Variants in CACNG3 observed in about 807,000 individuals in gnomAD.
CACNG3 encodes the protein calcium voltage-gated channel auxiliary subunit gamma 3, also known as voltage-dependent calcium channel gamma-3 subunit.
CACNG3 carries 3 observed loss-of-function variants against 28.5 expected under a neutral mutation model. The ratio of observed to expected loss-of-function variants is 0.11; its 90% CI spans 0.05 to 0.27. The LOEUF is 0.27. Ranked by LOEUF, CACNG3 falls within the 10% of genes least tolerant of loss-of-function variation. CACNG3 has a pLI of 1.00. For missense variants in CACNG3, 236 were observed against 414.4 expected (o/e 0.57, Z 3.74); for synonymous variants, 174 against 162.2 (o/e 1.07, Z -0.55).
rs1413038846 is a variant in CACNG3, at chr16:24,317,629, AGAC to A, written c.212-29104_212-29102del. Among the ~76,000 whole-genome samples the A allele has an allele frequency of 1.3e-3, 54 of 42,596 alleles. 3 individuals are homozygous for A. Among genetic ancestry groups the A allele is most frequent in the East Asian group, 5.6e-3 (9 of 1,616 alleles). 27.9% of individuals were successfully genotyped at this position (42,596 alleles called of 152,430 possible). On this transcript the variant is annotated intron_variant, in intron 1 of 3. Coordinates refer to ENST00000005284, the MANE Select transcript of CACNG3 (RefSeq NM_006539.4). ...AAGAAAGAAAGAAAGAAAGAAAGAC[AGAC>A]AGAAAGAAAGAAAAGAAAAGAAAGA...
intron 1 of CACNG3, among the ~76,000 whole-genome samples, chr16:24,288,625 A>G (rs71391556): frequency 0.034 from 5,192 of 152,262 alleles, 126 homozygotes; most frequent in Middle Eastern, 0.078. Flanking sequence ...TCTGTGGGCA[A>G]TAGTTTCATG....
chr16:24,320,339 T>G (rs1899439755), intron 1 of CACNG3, among the ~76,000 whole-genome samples: 2 of 152,174 alleles, frequency 1.3e-5, no homozygotes, highest in Non-Finnish European at 2.9e-5. Flanking sequence ...CAGCAAAACT[T>G]AGAAATAATC....
chr16:24,284,790 G>T (rs910320097), intron 1 of CACNG3, among the ~76,000 whole-genome samples: 1 of 151,914 alleles, frequency 6.6e-6, no homozygotes, highest in Non-Finnish European at 1.5e-5. Flanking sequence ...AGGTCCTTTT[G>T]GCATCCTAAC....
At chr16:24,313,073 G>A (rs28470778) in intron 1 of CACNG3, among the ~76,000 whole-genome samples, 13 of 138,032 alleles carry the variant, frequency 9.4e-5, no homozygotes, top group East Asian at 2.2e-4. Flanking sequence ...GCGAGGGAGG[G>A]AGGAAGGAAG....
At chr16:24,263,960 G>C (rs1898565688) in intron 1 of CACNG3, among the ~76,000 whole-genome samples, 1 of 152,216 alleles carries the variant, frequency 6.6e-6, no homozygotes, top group Admixed American at 6.5e-5. Flanking sequence ...TGCTGGATTG[G>C]ACACTTGCTT....
intron 1 of CACNG3, among the ~76,000 whole-genome samples, chr16:24,325,530 C>A (rs902515683): frequency 6.6e-6 from 1 of 152,192 alleles, no homozygotes; most frequent in African/African-American, 2.4e-5. Context: ...CATTGCTGAG[C>A]GCAAGCCCCG....
At chr16:24,342,519 A>G in intron 1 of CACNG3, among the ~76,000 whole-genome samples, 1 of 152,194 alleles carries the variant, frequency 6.6e-6, no homozygotes, top group East Asian at 1.9e-4. Context: ...TGGGACAGAA[A>G]TCTTTAAACC....
At chr16:24,344,008 G>A (rs893318411) in intron 1 of CACNG3, among the ~76,000 whole-genome samples, 2 of 152,066 alleles carry the variant, frequency 1.3e-5, no homozygotes, top group Admixed American at 6.6e-5. Context: ...AGAATGGCGT[G>A]AGCAGAGCAA....
At chr16:24,266,048 G>C (rs371593083) in intron 1 of CACNG3, among the ~76,000 whole-genome samples, 2 of 152,224 alleles carry the variant, frequency 1.3e-5, no homozygotes, top group African/African-American at 4.8e-5. Flanking sequence ...CATGTAATCA[G>C]ATATTCTTTC....
intron 1 of CACNG3, among the ~76,000 whole-genome samples, chr16:24,265,328 GAAA>G (rs1898586261): frequency 2.7e-5 from 3 of 109,346 alleles, no homozygotes; most frequent in African/African-American, 1.3e-4. Flanking sequence ...GGAAGGAAAA[GAAA>G]GAAGGAAAGA....
chr16:24,260,550 C>T (rs994261954), intron 1 of CACNG3, among the ~76,000 whole-genome samples: 11 of 152,136 alleles, frequency 7.2e-5, no homozygotes, highest in Non-Finnish European at 1.2e-4. Flanking sequence ...CGTGCTGCCT[C>T]TCTGAGTATT....
At chr16:24,291,491 A>G (rs921075709) in intron 1 of CACNG3, among the ~76,000 whole-genome samples, 47 of 152,156 alleles carry the variant, frequency 3.1e-4, no homozygotes, top group Admixed American at 2.6e-4. Context: ...TGGAAACTAT[A>G]TTATTGAGAG....
At chr16:24,307,069 G>C (rs1467111257) in intron 1 of CACNG3, among the ~76,000 whole-genome samples, 1 of 152,110 alleles carries the variant, frequency 6.6e-6, no homozygotes, top group Non-Finnish European at 1.5e-5. Flanking sequence ...GCAGTATGAG[G>C]GTATAGAGGT....
intron 1 of CACNG3, among the ~76,000 whole-genome samples, chr16:24,286,105 TA>T (rs1898890478): frequency 1.3e-5 from 2 of 152,146 alleles, no homozygotes; most frequent in Non-Finnish European, 2.9e-5. Flanking sequence ...ATTTTTTCAA[TA>T]GCTACATAAT....
intron 1 of CACNG3, among the ~76,000 whole-genome samples, chr16:24,287,655 C>G (rs1194003662): frequency 6.6e-6 from 1 of 152,036 alleles, no homozygotes; most frequent in African/African-American, 2.4e-5. Context: ...TCCCTGGCAA[C>G]AGAACCATCC....
intron 1 of CACNG3, among the ~76,000 whole-genome samples, chr16:24,270,990 G>A (rs544118494): frequency 6.6e-6 from 1 of 152,144 alleles, no homozygotes; most frequent in African/African-American, 2.4e-5. Flanking sequence ...TGGCTGAAAT[G>A]GGGGAGTGAG....
At chr16:24,327,444 A>G (rs62030060) in intron 1 of CACNG3, among the ~76,000 whole-genome samples, 70,392 of 103,530 alleles carry the variant, frequency 0.68, 24,012 homozygotes, top group Middle Eastern at 0.8. Flanking sequence ...GTGTGTATAT[A>G]TATATATATA....
chr16:24,311,050 T>TAA (rs1899254858), intron 1 of CACNG3, among the ~76,000 whole-genome samples: 2 of 152,158 alleles, frequency 1.3e-5, no homozygotes, highest in Non-Finnish European at 2.9e-5. Flanking sequence ...CAGGGGCACT[T>TAA]GGGTTGTCCC....
chr16:24,342,140 C>T (rs537541419), intron 1 of CACNG3, among the ~76,000 whole-genome samples: 37 of 152,128 alleles, frequency 2.4e-4, no homozygotes, highest in African/African-American at 8.2e-4. Context: ...TGGTGGCACG[C>T]GCCTGTAATC....
Sources: allele counts gnomAD v4.1 joint callset (sites outside exome capture counted in the v4.1 genomes callset), GRCh38; gene constraint gnomAD v4.1.1; transcripts MANE v1.5; gene names NCBI Gene and HGNC (gene_info 2026-07-23, HGNC 2026-07-21).